The following MCTP1 variants were observed in gnomAD, a reference collection of about 807,000 sequenced individuals.
MCTP1 encodes the protein multiple C2 and transmembrane domain containing 1.
In MCTP1, 69 loss-of-function variants were observed where a neutral mutation model predicts 120.6. That is an observed-to-expected ratio of 0.57 (90% CI 0.47 to 0.70). MCTP1 has a LOEUF of 0.70. Among genes scored for constraint, MCTP1 ranks in the 30% least tolerant of loss-of-function variants. The pLI, the probability that MCTP1 is intolerant of heterozygous loss-of-function variation, is 0.00. For synonymous variants in MCTP1, 529 were observed against 493.1 expected, an observed-to-expected ratio of 1.07 and a Z score of -0.96; for missense variants, 1,203 against 1,248.8, an observed-to-expected ratio of 0.96 and a Z score of 0.55.
At chr5:94,986,251 G>A (rs295207) in intron 2 of MCTP1, among the ~76,000 whole-genome samples, 106,310 of 151,960 alleles carry the variant, frequency 0.7, 37,876 homozygotes, top group Admixed American at 0.8. Context: ...TTGTTATTAC[G>A]TGTTTCTTTT....
chr5:94,743,441 G>A (rs1363273815), intron 19 of MCTP1, among the ~76,000 whole-genome samples: 1 of 152,084 alleles, frequency 6.6e-6, no homozygotes, highest in Non-Finnish European at 1.5e-5. Context: ...AGATAAGAGA[G>A]AAAGTGAAAA....
intron 19 of MCTP1, among the ~76,000 whole-genome samples, chr5:94,735,089 G>C (rs1235307965): frequency 6.6e-6 from 1 of 152,166 alleles, no homozygotes; most frequent in African/African-American, 2.4e-5. Flanking sequence ...TTTGGCCAAA[G>C]GATTTGTGTT....
At chr5:95,165,806 G>C (rs1746267878) in intron 1 of MCTP1, among the ~76,000 whole-genome samples, 1 of 152,164 alleles carries the variant, frequency 6.6e-6, no homozygotes. Context: ...ATTCTGCCCG[G>C]CTGTTTCCTA....
chr5:95,037,507 G>A lies in MCTP1; in HGVS notation c.721-20023C>T, dbSNP rs1035832854. On this transcript the variant is annotated intron_variant, in intron 1 of 22. Coordinates refer to ENST00000515393, the MANE Select transcript of MCTP1 (RefSeq NM_024717.7). ...AATTTTATTTTCTTCCTACTTTTTA[G>A]AAGTTTTCCAATTTTCTGTAGATGT... Among the ~76,000 whole-genome samples the A allele has an allele frequency of 6.6e-5, 10 of 152,250 alleles. No homozygotes were observed. The East Asian group carries it at 9.6e-4, about 15-fold the overall frequency.
At chr5:95,266,004 A>G (rs1211437201) in intron 1 of MCTP1, among the ~76,000 whole-genome samples, 1 of 152,208 alleles carries the variant, frequency 6.6e-6, no homozygotes, top group African/African-American at 2.4e-5. Context: ...ACAGAAATCA[A>G]CTTCTAGGAA....
Position 94,894,671 on chromosome 5 carries a change from C to A in MCTP1, c.1817G>T (p.Arg606Leu). 1 of 1,610,128 alleles carries A rather than the reference C, an allele frequency of 6.2e-7. No homozygotes were observed. Among genetic ancestry groups the A allele is most frequent in the Non-Finnish European group, 8.5e-7 (1 of 1,176,956 alleles). Residue 606 changes from arginine to leucine, a missense_variant, in exon 11 of 23, where the codon CGA becomes CTA. This residue lies in a region of MCTP1 where 740 missense variants were observed against 871.1 expected (regional missense o/e 0.85). Coordinates refer to ENST00000515393, the MANE Select transcript of MCTP1 (RefSeq NM_024717.7). The part of the protein sequence containing the change: ...SVNSLEDQKE[R>L]EEILKRYSPL... ...TACATATCTCTTTAATATCTCCTCT[C>A]GTTCCTTCTGGTCCTCCAGGGAGTT...
intron 2 of MCTP1, among the ~76,000 whole-genome samples, chr5:94,978,520 G>T (rs1828633586): frequency 6.6e-6 from 1 of 152,032 alleles, no homozygotes; most frequent in Non-Finnish European, 1.5e-5. Context: ...ATATTATTCA[G>T]ACTGAAAAAA....
intron 12 of MCTP1, among the ~76,000 whole-genome samples, chr5:94,882,420 G>GTT (rs549174897): frequency 2.7e-5 from 4 of 145,948 alleles, no homozygotes; most frequent in Admixed American, 2.7e-4. Flanking sequence ...TCTGTAGTAA[G>GTT]TTTTTTTTTT....
rs763039447 is a variant in MCTP1 at position 95,284,250 on chromosome 5, G to C, written c.326C>G (p.Pro109Arg). Residue 109 changes from proline to arginine, a missense_variant, in exon 1 of 23, where the codon CCC becomes CGC. Physicochemically the swap from Pro to Arg is moderately radical, Grantham distance 103 (BLOSUM62 -2). Coordinates refer to ENST00000515393, the MANE Select transcript of MCTP1 (RefSeq NM_024717.7). This position sits in a 1 kb window ranked among gnomAD's most constrained non-coding sequence, Gnocchi z 5.2. ...LCCSSPEPLE[P>R]GGAGRAEQGS... ...CTGCTCGGCTCTGCCGGCGCCGCCG[G>C]GCTCCAGGGGCTCCGGCGACGAGCA... The C allele has an allele frequency of 6.3e-7, 1 of 1,588,442 alleles. No individual in the cohort carries two copies. The highest frequency in any genetic ancestry group is 8.5e-7 in the Non-Finnish European group (1 of 1,174,604).
intron 1 of MCTP1, among the ~76,000 whole-genome samples, chr5:95,212,536 C>A (rs1752511372): frequency 6.6e-6 from 1 of 152,100 alleles, no homozygotes; most frequent in Admixed American, 6.6e-5. Flanking sequence ...ATACTGATAC[C>A]AAAGCCGCGC....
intron 2 of MCTP1, chr5:94,976,700 A>G (rs1828191284): frequency 6.6e-6 from 1 of 152,126 alleles, no homozygotes. Flanking sequence ...TTTAGAAGGA[A>G]GGTTTTTCTT....
chr5:95,222,544 C>T (rs1701368597), intron 1 of MCTP1, among the ~76,000 whole-genome samples: 2 of 152,336 alleles, frequency 1.3e-5, no homozygotes, highest in Admixed American at 1.3e-4. Flanking sequence ...GATATCTGAA[C>T]AAAATTTCCT....
intron 19 of MCTP1, among the ~76,000 whole-genome samples, chr5:94,776,124 G>A (rs1159307125): frequency 6.6e-6 from 1 of 151,878 alleles, no homozygotes; most frequent in Admixed American, 6.6e-5. Context: ...ATTATGTTAA[G>A]TAATTACAAT....
At chr5:95,242,452 T>A in intron 1 of MCTP1, among the ~76,000 whole-genome samples, 1 of 152,164 alleles carries the variant, frequency 6.6e-6, no homozygotes, top group East Asian at 1.9e-4. Flanking sequence ...ATTTTATATT[T>A]CTGGCCTTAT....
In MCTP1 at chr5:94,889,109, T is replaced by G. The variant is rs973013334; in HGVS notation, c.1840-137A>C. On this transcript the variant is annotated intron_variant, in intron 11 of 22. Transcript: ENST00000515393. Reference sequence around the variant, plus strand: ...GATCAACATTAAACTAACTAATTTTTTTTTTTACTGTTTTCCTCTTGGTGA... The same window carrying G: ...GATCAACATTAAACTAACTAATTTTGTTTTTTACTGTTTTCCTCTTGGTGA... The G allele has an allele frequency of 1.1e-5, 6 of 545,892 alleles. No individual in the cohort carries two copies. The East Asian group carries it at 1.5e-4, about 14-fold the overall frequency. 33.8% of individuals were successfully genotyped at this position (545,892 alleles called of 1,614,324 possible). A position where few individuals can be genotyped will look rare whatever the true frequency, so the allele number is the denominator to read the frequency against.
chr5:94,787,141 G>GTACT (rs1777904860), intron 18 of MCTP1, among the ~76,000 whole-genome samples: 1 of 152,086 alleles, frequency 6.6e-6, no homozygotes, highest in Non-Finnish European at 1.5e-5. Flanking sequence ...TTTGCTCATG[G>GTACT]TACTGCCTGT....
At chr5:95,173,126 T>C (rs1747546476) in intron 1 of MCTP1, among the ~76,000 whole-genome samples, 1 of 152,218 alleles carries the variant, frequency 6.6e-6, no homozygotes, top group African/African-American at 2.4e-5. Context: ...AGACTCACAA[T>C]GTTACTTTAC....
At chr5:95,252,690 G>T (rs762073109) in intron 1 of MCTP1, among the ~76,000 whole-genome samples, 1 of 151,864 alleles carries the variant, frequency 6.6e-6, no homozygotes, top group African/African-American at 2.4e-5. Context: ...TTTCTTAGGC[G>T]CTCCATTCCT....
Position 94,779,179 on chromosome 5 carries a change from G to C in MCTP1, c.2557-16C>G. The C allele has an allele frequency of 3.7e-6, 6 of 1,613,006 alleles. No individual in the cohort carries two copies. In the South Asian group the frequency reaches 5.5e-5, roughly 15 times the overall value. Reference sequence around the variant, plus strand: ...CCTCCACTACCTGCAGAGAGAAACAGAAGTCGTTTTTTGTGCTCTTAAAGG... The same window carrying C: ...CCTCCACTACCTGCAGAGAGAAACACAAGTCGTTTTTTGTGCTCTTAAAGG... On this transcript the variant is annotated splice_polypyrimidine_tract_variant and intron_variant, in intron 18 of 22. Transcript: ENST00000515393.
Sources: gnomAD v4.1 joint callset for allele counts (sites outside exome capture counted in the v4.1 genomes callset) on GRCh38, gnomAD v4.1.1 for gene constraint, gnomAD v4.1.1 regional missense constraint, Gnocchi (gnomAD v3.1) non-coding constraint, MANE v1.5 for transcripts, NCBI Gene and HGNC (gene_info 2026-07-23, HGNC 2026-07-21) for gene names.